KCNAB2: variants seen among roughly 807,000 people sequenced by gnomAD.
The protein encoded by KCNAB2 is potassium voltage-gated channel subfamily A regulatory beta subunit 2, also known as voltage-gated potassium channel subunit beta-2.
A neutral mutation model predicts 63.6 loss-of-function variants in KCNAB2; 29 were observed. The ratio of observed to expected loss-of-function variants is 0.46; its 90% CI spans 0.34 to 0.62. KCNAB2 has a LOEUF of 0.62. Ranked by LOEUF, KCNAB2 falls within the 20% of genes least tolerant of loss-of-function variation. KCNAB2 has a pLI of 0.01. For missense variants in KCNAB2, 359 were observed against 563.9 expected, an observed-to-expected ratio of 0.64 and a Z score of 3.68; for synonymous variants, 222 against 224.2, an observed-to-expected ratio of 0.99 and a Z score of 0.09.
At chr1:6,021,112 C>T (rs1658791530) in intron 1 of KCNAB2, among the ~76,000 whole-genome samples, 1 of 152,178 alleles carries the variant, frequency 6.6e-6, no homozygotes, top group African/African-American at 2.4e-5. Context: ...CCTGCCTCAG[C>T]CTCCCAAGTA....
upstream of KCNAB2, among the ~76,000 whole-genome samples, chr1:6,029,847 A>G (rs970714759): frequency 2.6e-5 from 4 of 152,208 alleles, no homozygotes; most frequent in South Asian, 6.2e-4. Flanking sequence ...AGGGGATGGA[A>G]TAGTGTCATC....
chr1:6,029,747 C>A (rs1026929091), upstream of KCNAB2, among the ~76,000 whole-genome samples: 6 of 152,218 alleles, frequency 3.9e-5, no homozygotes, highest in Non-Finnish European at 5.9e-5. Flanking sequence ...CATGGCAGAG[C>A]CAGTGCCAAC....
At chr1:6,015,033 T>TG (rs1229768943) in intron 1 of KCNAB2, among the ~76,000 whole-genome samples, 33 of 143,284 alleles carry the variant, frequency 2.3e-4, no homozygotes, top group South Asian at 1.8e-3. Context: ...TTTTTTTTTT[T>TG]TTTTTTTTTG....
rs116570430 is a variant in KCNAB2 at position 6,063,102 on chromosome 1, C to T, written c.219-9653C>T. 5.3e-3 allele frequency among the ~76,000 whole-genome samples: 805 copies of T among 151,818 alleles called. 4 individuals carry two copies. The highest frequency in any genetic ancestry group is 0.018 in the African/African-American group (742 of 41,330). Reference sequence around the variant, plus strand: ...AGTGCAGTAGCGCAACCTCGGCTTACTGCAGCCTCCAGGTGCAAGCGATTC... The same window carrying T: ...AGTGCAGTAGCGCAACCTCGGCTTATTGCAGCCTCCAGGTGCAAGCGATTC... On this transcript the variant is annotated intron_variant, in intron 2 of 15. Coordinates refer to ENST00000378083, the MANE Select transcript of KCNAB2 (RefSeq NM_001199862.2).
intron 2 of KCNAB2, among the ~76,000 whole-genome samples, chr1:6,063,742 A>G (rs754335460): frequency 2.8e-4 from 42 of 151,900 alleles, no homozygotes; most frequent in Non-Finnish European, 6.2e-4. Flanking sequence ...ATAACACTTC[A>G]TTTTCTGGAG....
intron 1 of KCNAB2, among the ~76,000 whole-genome samples, chr1:6,010,124 G>T (rs370425524): frequency 6.6e-6 from 1 of 152,086 alleles, no homozygotes; most frequent in African/African-American, 2.4e-5. Flanking sequence ...TGATCCACCC[G>T]CCTCAGCCTC....
intron 1 of KCNAB2, among the ~76,000 whole-genome samples, chr1:6,013,414 G>C (rs1055865945): frequency 2.0e-5 from 3 of 152,134 alleles, no homozygotes; most frequent in Non-Finnish European, 2.9e-5. Flanking sequence ...CCCAGGTAGA[G>C]GGATCTGAGT....
Position 5,999,740 on chromosome 1 carries a change from AC to A in KCNAB2, c.-53+6955del, listed in dbSNP as rs1161363335. 2.6e-5 allele frequency among the ~76,000 whole-genome samples: 4 copies of A among 152,102 alleles called. No individual in the cohort carries two copies. The East Asian group carries it at 7.7e-4, about 29-fold the overall frequency. On this transcript the variant is annotated intron_variant, in intron 1 of 16. Coordinates refer to the KCNAB2 transcript ENST00000341524. ...GTCAGTACAGGAGCCAGTCCTCGCC[AC>A]CCTGTTCCTGACCATACAGAGTCTG... is the stretch of plus-strand genomic sequence containing the variant.
intron 6 of KCNAB2, 60 bp downstream of exon 6, chr1:6,085,308 G>T (rs985778605): frequency 6.8e-7 from 1 of 1,477,940 alleles, no homozygotes; most frequent in African/African-American, 1.4e-5. Flanking sequence ...CTATCCCAGG[G>T]TCAGCCTCGT....
chr1:6,090,873 G>T (rs138901747), intron 9 of KCNAB2, among the ~76,000 whole-genome samples: 1 of 152,326 alleles, frequency 6.6e-6, no homozygotes, highest in East Asian at 1.9e-4. Flanking sequence ...AGCTTGGGGG[G>T]ACTTTTTTGC....
chr1:6,076,103 G>C (rs1043091951), intron 4 of KCNAB2, among the ~76,000 whole-genome samples: 1 of 152,224 alleles, frequency 6.6e-6, no homozygotes, highest in Non-Finnish European at 1.5e-5. Flanking sequence ...AAGACTTGAC[G>C]TCTCCTGTTC....
chr1:6,080,533 C>A (rs1362795125), intron 4 of KCNAB2, among the ~76,000 whole-genome samples: 2 of 152,202 alleles, frequency 1.3e-5, no homozygotes, highest in African/African-American at 4.8e-5. Context: ...CACCCCCGGG[C>A]TTCCTGACTC....
At chr1:6,081,879 T>C (rs1029345976) in intron 4 of KCNAB2, among the ~76,000 whole-genome samples, 3 of 152,246 alleles carry the variant, frequency 2.0e-5, no homozygotes, top group African/African-American at 7.2e-5. Context: ...GGGGATACTG[T>C]TCGACCCAGT....
At chr1:6,000,655 A>AT (rs1254596030) in intron 1 of KCNAB2, among the ~76,000 whole-genome samples, 10 of 45,994 alleles carry the variant, frequency 2.2e-4, no homozygotes, top group African/African-American at 1.1e-3. Flanking sequence ...TTCCCAGAAA[A>AT]GAAAAAAAAA....
intron 4 of KCNAB2, among the ~76,000 whole-genome samples, chr1:6,079,692 T>C (rs189142405): frequency 1.1e-3 from 172 of 152,202 alleles, no homozygotes; most frequent in African/African-American, 3.4e-3. Flanking sequence ...TACCAGAGAA[T>C]GATGGGTGCT....
intron 8 of KCNAB2, 25 bp from the exon 9 acceptor site, chr1:6,090,364 G>GC (rs749838595): frequency 4.4e-5 from 69 of 1,563,818 alleles, no homozygotes; most frequent in Admixed American, 1.8e-4. Flanking sequence ...CAGCAGTGAC[G>GC]CCCCCCCACC....
chr1:6,052,882 A>G (rs1050770761), intron 2 of KCNAB2, among the ~76,000 whole-genome samples: 1 of 152,216 alleles, frequency 6.6e-6, no homozygotes, highest in Admixed American at 6.5e-5. Context: ...CTGAACTTCA[A>G]ATTTAACTGG....
In KCNAB2 at chr1:6,035,295, G is replaced by C. The variant is rs541854985; in HGVS notation, c.-53+501G>C. ...GGTTGTGGACCCACTGTTGAGATTGGACTTTGGCTCTGAATGGAATGGAAG... is the reference window on the plus strand; with the variant it reads ...GGTTGTGGACCCACTGTTGAGATTGCACTTTGGCTCTGAATGGAATGGAAG... On this transcript the variant is annotated intron_variant, in intron 1 of 15. Coordinates refer to the KCNAB2 transcript ENST00000164247. The surrounding 1 kb of genome is among the most constrained non-coding windows in gnomAD (Gnocchi z 5.0). Among the ~76,000 whole-genome samples, 11 of 152,322 alleles carry C rather than the reference G, an allele frequency of 7.2e-5. No individual in the cohort carries two copies. The highest frequency in any genetic ancestry group is 2.4e-4 in the African/African-American group (10 of 41,570).
intron 1 of KCNAB2, among the ~76,000 whole-genome samples, chr1:6,006,952 G>A (rs1195810739): frequency 1.3e-5 from 2 of 152,112 alleles, no homozygotes; most frequent in Non-Finnish European, 2.9e-5. Context: ...GGGTTCTGGG[G>A]AAGGACGGTA....
Sources: allele counts gnomAD v4.1 joint callset (sites outside exome capture counted in the v4.1 genomes callset), GRCh38; gene constraint gnomAD v4.1.1; non-coding constraint Gnocchi (gnomAD v3.1); transcripts MANE v1.5; gene names NCBI Gene and HGNC (gene_info 2026-07-23, HGNC 2026-07-21).